The following POLL variants were observed in gnomAD, a reference collection of about 807,000 sequenced individuals.
The protein encoded by POLL is DNA polymerase beta-2.
A neutral mutation model predicts 58.1 loss-of-function variants in POLL; 44 were observed. The observed-to-expected ratio is 0.76, with a 90% CI of 0.60 to 0.97. The LOEUF (loss-of-function observed/expected upper bound fraction) is 0.97. Ranked by LOEUF, POLL falls within the 50% of genes least tolerant of loss-of-function variation. The pLI is 0.00. For missense variants in POLL, 632 were observed against 736.8 expected, an observed-to-expected ratio of 0.86 and a Z score of 1.65; for synonymous variants, 290 against 283.2, an observed-to-expected ratio of 1.02 and a Z score of -0.24.
rs1048151275 is a variant in POLL at position 101,579,926 on chromosome 10, G to A, written c.1364-109C>T. Reference sequence around the variant, plus strand: ...GCTGGGGCTTGCCCAGGTATTAGCTGGGTGACACTACCCTCTCTGGGCCCT... The same window carrying A: ...GCTGGGGCTTGCCCAGGTATTAGCTAGGTGACACTACCCTCTCTGGGCCCT... On this transcript the variant is annotated intron_variant, in intron 8 of 8. Coordinates refer to ENST00000370162, the MANE Select transcript of POLL (RefSeq NM_001174084.2). The surrounding 1 kb of genome is among the most constrained non-coding windows in gnomAD (Gnocchi z 4.4). The A allele has an allele frequency of 1.8e-5, 22 of 1,231,768 alleles. No homozygotes were observed. The highest frequency in any genetic ancestry group is 2.5e-5 in the Non-Finnish European group (22 of 893,052). The allele number at this position is 1,231,768 out of a possible 1,614,324, so 76.3% of individuals were successfully genotyped here. A position where few individuals can be genotyped will look rare whatever the true frequency, so the allele number is the denominator to read the frequency against.
At chr10:101,583,765 A>G in intron 5 of POLL, 84 bp from the exon 6 acceptor site, 1 of 1,239,210 alleles carries the variant, frequency 8.1e-7, no homozygotes. Context: ...TGACTCCTCT[A>G]GCAGATGCTG....
chr10:101,584,674 C>T lies in POLL; in HGVS notation c.819G>A (p.Lys273=). 1.2e-6 allele frequency: 2 copies of T among 1,613,594 alleles called. No individual in the cohort carries two copies. Among genetic ancestry groups the T allele is most frequent in the African/African-American group, 1.3e-5 (1 of 75,028 alleles). The change falls in exon 5 of 9, where the codon AAG becomes AAA. Residue 273 remains lysine (K), a synonymous_variant. Transcript: ENST00000370162. ...LAKAYSVQGD[K]WRALGYAKAI... ...CCTTGGCATAGCCCAGGGCCCTCCA[C>T]TTGTCTCCCTGAACACTGTAGGCTT...
chr10:101,580,075 T>C lies in POLL; in HGVS notation c.1363+173A>G. 1 of 695,942 alleles carries C rather than the reference T, an allele frequency of 1.4e-6. No homozygotes were observed. 43.1% of individuals were successfully genotyped at this position (695,942 alleles called of 1,614,324 possible). On this transcript the variant is annotated intron_variant, in intron 8 of 8. Transcript: ENST00000370162. The surrounding 1 kb of genome is among the most constrained non-coding windows in gnomAD (Gnocchi z 4.1). ...CTCCACATAGGTGTGGCGGGGCTGT[T>C]CCATCTCTCCCTGGAGAGGATTCCG...
chr10:101,580,469 C>A lies in POLL; in HGVS notation c.1195-53G>T. On this transcript the variant is annotated intron_variant, in intron 7 of 8. Transcript: ENST00000370162. The surrounding 1 kb of genome is among the most constrained non-coding windows in gnomAD (Gnocchi z 4.1). Reference sequence around the variant, plus strand: ...GGGCTGTGCGTGGGGAGCTCCTCTCCCACAGCAGTACAAGGGCCTTCCCAG... The same window carrying A: ...GGGCTGTGCGTGGGGAGCTCCTCTCACACAGCAGTACAAGGGCCTTCCCAG... 1 of 1,553,454 alleles carries A rather than the reference C, an allele frequency of 6.4e-7. No individual in the cohort carries two copies. Among genetic ancestry groups the A allele is most frequent in the South Asian group, 1.1e-5 (1 of 87,362 alleles).
chr10:101,580,452 C>T lies in POLL; in HGVS notation c.1195-36G>A, dbSNP rs757431937. On this transcript the variant is annotated intron_variant, in intron 7 of 8. Transcript: ENST00000370162. This position sits in a 1 kb window ranked among gnomAD's most constrained non-coding sequence, Gnocchi z 4.1. Reference sequence around the variant, plus strand: ...GAGCGGTGACAGGTGAGGGGCTGTGCGTGGGGAGCTCCTCTCCCACAGCAG... The same window carrying T: ...GAGCGGTGACAGGTGAGGGGCTGTGTGTGGGGAGCTCCTCTCCCACAGCAG... 3.3e-5 allele frequency: 53 copies of T among 1,597,148 alleles called. No individual in the cohort carries two copies. The highest frequency in any genetic ancestry group is 2.4e-4 in the Admixed American group (14 of 59,050).
At chr10:101,585,697 G>A (rs1394101260) in intron 3 of POLL, among the ~76,000 whole-genome samples, 165 bp downstream of exon 3, 1 of 152,052 alleles carries the variant, frequency 6.6e-6, no homozygotes, top group East Asian at 1.9e-4. Flanking sequence ...TAACCTCCCT[G>A]GCTCAATCAA....
At position 101,585,963 on chromosome 10, in the gene POLL, C is replaced by A. The variant is rs143640062; in HGVS notation, c.309G>T (p.Leu103=). 2.6e-5 allele frequency: 42 copies of A among 1,613,996 alleles called. No individual in the cohort carries two copies. In the South Asian group the frequency reaches 3.7e-4, roughly 14 times the overall value. Residue 103 remains leucine (L), a synonymous_variant, in exon 3 of 9, where the codon CTG becomes CTT. Coordinates refer to ENST00000370162, the MANE Select transcript of POLL (RefSeq NM_001174084.2). ...ACTTCACCAGCTGAGCACCCGGGGG[C>A]AGCTGGGGTAGTCTGAGAAGGCGGA... ...RALRLLRLPQ[L]PPGAQLVKSA...
chr10:101,585,479 C>A lies in POLL; in HGVS notation c.411-1G>T. On this transcript the variant is annotated splice_acceptor_variant, in intron 3 of 8. Coordinates refer to ENST00000370162, the MANE Select transcript of POLL (RefSeq NM_001174084.2). LOFTEE classifies it high-confidence loss of function. ...GCTGGGCTGTGGATGGTCCAAGTAC[C>A]TGTGGGGATGGTGATGGGAGGTTAA... 1 of 1,525,366 alleles carries A rather than the reference C, an allele frequency of 6.6e-7. No individual in the cohort carries two copies. Among genetic ancestry groups the A allele is most frequent in the Admixed American group, 2.1e-5 (1 of 47,074 alleles). The allele number at this position is 1,525,366 out of a possible 1,614,324, so 94.5% of individuals were successfully genotyped here. A position where few individuals can be genotyped will look rare whatever the true frequency, so the allele number is the denominator to read the frequency against.
At position 101,588,160 on chromosome 10, in the gene POLL, G is replaced by A. The variant is rs982291323; in HGVS notation, c.-385C>T. 1.3e-6 allele frequency: 2 copies of A among 1,521,624 alleles called. No homozygotes were observed. Among genetic ancestry groups the A allele is most frequent in the African/African-American group, 1.4e-5 (1 of 72,726 alleles). The allele number at this position is 1,521,624 out of a possible 1,614,324, so 94.3% of individuals were successfully genotyped here. On this transcript the variant is annotated 5_prime_UTR_variant, in exon 1 of 9. Transcript: ENST00000370162. ...CGGTCCCCGGGTGGGGTCGACTACT[G>A]GCCAAGCTAGTCACCCGGGGGTGGG...
chr10:101,585,987 G>GAGGGCTCGCTCAT lies in POLL; in HGVS notation c.272_284dup (p.Arg96Ter). On this transcript the variant is annotated stop_gained and frameshift_variant, in exon 3 of 9. Coordinates refer to ENST00000370162, the MANE Select transcript of POLL (RefSeq NM_001174084.2). LOFTEE classifies it high-confidence loss of function. Reference sequence around the variant, plus strand: ...GCAGCTGGGGTAGTCTGAGAAGGCGGAGGGCTCGCTCATAGTCCATGCCTT... The same window carrying GAGGGCTCGCTCAT: ...GCAGCTGGGGTAGTCTGAGAAGGCGGAGGGCTCGCTCATAGGGCTCGCTCATAGTCCATGCCTT... The GAGGGCTCGCTCAT allele has an allele frequency of 2.5e-6, 4 of 1,614,130 alleles. No individual in the cohort carries two copies. The highest frequency in any genetic ancestry group is 3.4e-6 in the Non-Finnish European group (4 of 1,180,032).
chr10:101,584,842 G>A lies in POLL; in HGVS notation c.651C>T (p.Gly217=). The change falls in exon 5 of 9, where the codon GGC becomes GGT. Residue 217 remains glycine (G), a synonymous_variant. Coordinates refer to ENST00000370162, the MANE Select transcript of POLL (RefSeq NM_001174084.2). ...CTCCCTCAAGGGAGGTGGGGTAGTG[G>A]CCACTGATGAGGGCTTCCAGATCAG... is the stretch of plus-strand genomic sequence containing the variant. ...SAADLEALIS[G]HYPTSLEGDC... is the part of the protein sequence containing the mutation. 1 of 1,517,258 alleles carries A rather than the reference G, an allele frequency of 6.6e-7. No individual in the cohort carries two copies. The allele number at this position is 1,517,258 out of a possible 1,614,324, so 94.0% of individuals were successfully genotyped here.
chr10:101,582,052 G>A (rs2063029525), intron 7 of POLL: 1 of 152,100 alleles, frequency 6.6e-6, no homozygotes, highest in East Asian at 1.9e-4. Context: ...TAGAGACAGG[G>A]TTTCACCACG....
At chr10:101,582,101 C>T (rs1362691498) in intron 7 of POLL, 1 of 152,282 alleles carries the variant, frequency 6.6e-6, no homozygotes, top group Non-Finnish European at 1.5e-5. Flanking sequence ...CTCAGATGAT[C>T]TGTCCACCCT....
Position 101,584,739 on chromosome 10 carries a change from G to A in POLL, c.754C>T (p.His252Tyr). ...AQPSSQKATN[H>Y]NLHITEKLEV... is the part of the protein sequence containing the mutation. ...AGCTTCTCTGTGATATGGAGGTTGT[G>A]ATTGGTCGCCTTCTGGCTTGAGGGC... Residue 252 changes from histidine (H) to tyrosine (Y), a missense_variant, in exon 5 of 9, where the codon CAC becomes TAC. Transcript: ENST00000370162. The A allele has an allele frequency of 6.2e-7, 1 of 1,614,094 alleles. No individual in the cohort carries two copies. The highest frequency in any genetic ancestry group is 8.5e-7 in the Non-Finnish European group (1 of 1,179,994).
Position 101,588,132 on chromosome 10 carries a change from A to T in POLL, c.-357T>A, listed in dbSNP as rs887388651. 1 of 1,516,806 alleles carries T rather than the reference A, an allele frequency of 6.6e-7. No homozygotes were observed. Among genetic ancestry groups the T allele is most frequent in the African/African-American group, 1.4e-5 (1 of 72,596 alleles). The allele number at this position is 1,516,806 out of a possible 1,614,324, so 94.0% of individuals were successfully genotyped here. On this transcript the variant is annotated 5_prime_UTR_variant, in exon 1 of 9. Coordinates refer to ENST00000370162, the MANE Select transcript of POLL (RefSeq NM_001174084.2). Reference sequence around the variant, plus strand: ...CCCCAAGAGTCTCTCCAACCCCCAGAGTCGGTCCCCGGGTGGGGTCGACTA... The same window carrying T: ...CCCCAAGAGTCTCTCCAACCCCCAGTGTCGGTCCCCGGGTGGGGTCGACTA...
rs1385378677 is a variant in POLL at position 101,579,114 on chromosome 10, T to C, written c.*339A>G. On this transcript the variant is annotated 3_prime_UTR_variant, in exon 9 of 9. Coordinates refer to ENST00000370162, the MANE Select transcript of POLL (RefSeq NM_001174084.2). This position sits in a 1 kb window ranked among gnomAD's most constrained non-coding sequence, Gnocchi z 4.4. ...CCACCCAGCAGCTTGGCCTTTCCCA[T>C]AGCAGGGAAGGGGGATACCTGGGGC... The C allele has an allele frequency of 1.9e-5, 6 of 316,994 alleles. No homozygotes were observed. Among genetic ancestry groups the C allele is most frequent in the Non-Finnish European group, 2.9e-5 (5 of 169,692 alleles). 19.6% of individuals were successfully genotyped at this position (316,994 alleles called of 1,614,324 possible).
Position 101,587,208 on chromosome 10 carries a change from T to A in POLL, c.115+38A>T, listed in dbSNP as rs760123987. ...GGCTGAAGCACATGAAGGCTGTGGG[T>A]TCAAGCACACGAGGGTTCTGAGACT... is the stretch of plus-strand genomic sequence containing the variant. On this transcript the variant is annotated intron_variant, in intron 2 of 8. Coordinates refer to ENST00000370162, the MANE Select transcript of POLL (RefSeq NM_001174084.2). 1.9e-6 allele frequency: 3 copies of A among 1,613,696 alleles called. No homozygotes were observed. The South Asian group carries it at 3.3e-5, about 18-fold the overall frequency.
intron 6 of POLL, chr10:101,583,257 G>A (rs533979735): frequency 1.7e-6 from 1 of 596,714 alleles, no homozygotes; most frequent in East Asian, 2.8e-5. Flanking sequence ...GGCCCTTGCT[G>A]GTCTGGGGAG....
intron 5 of POLL, 144 bp from the exon 6 acceptor site, chr10:101,583,825 T>C: frequency 1.5e-6 from 1 of 670,694 alleles, no homozygotes; most frequent in South Asian, 1.9e-5. Context: ...GTGTAAAGCT[T>C]GGGTGTAGTT....
Sources: gnomAD v4.1 joint callset for allele counts (sites outside exome capture counted in the v4.1 genomes callset) on GRCh38, gnomAD v4.1.1 for gene constraint, Gnocchi (gnomAD v3.1) non-coding constraint, MANE v1.5 for transcripts, NCBI Gene and HGNC (gene_info 2026-07-23, HGNC 2026-07-21) for gene names.